Variants in DLGAP2 observed in about 807,000 individuals in gnomAD.
The protein encoded by DLGAP2 is DLG associated protein 2.
Under a neutral mutation model 100.3 loss-of-function variants are expected in DLGAP2, and 26 were observed. The ratio of observed to expected loss-of-function variants is 0.26; its 90% CI spans 0.19 to 0.36. The LOEUF is 0.36. DLGAP2 is among the 10% of genes least tolerant of loss of function. DLGAP2 has a pLI of 1.00. For missense variants in DLGAP2, 1,858 were observed against 1,453.2 expected, an observed-to-expected ratio of 1.28 and a Z score of -4.53; for synonymous variants, 886 against 630.1, an observed-to-expected ratio of 1.41 and a Z score of -6.08.
chr8:980,905 G>A (rs996083931), intron 2 of DLGAP2, among the ~76,000 whole-genome samples: 4 of 152,132 alleles, frequency 2.6e-5, no homozygotes, highest in African/African-American at 4.8e-5. Context: ...TGAGACATTC[G>A]TGTGATAGTG....
chr8:1,357,672 G>T (rs770618765), intron 3 of DLGAP2, among the ~76,000 whole-genome samples: 1 of 152,102 alleles, frequency 6.6e-6, no homozygotes, highest in Non-Finnish European at 1.5e-5. Flanking sequence ...TGTCTCTGAC[G>T]GATTTTAAGT....
chr8:1,065,644 C>G (rs1370811123), intron 2 of DLGAP2, among the ~76,000 whole-genome samples: 1 of 152,162 alleles, frequency 6.6e-6, no homozygotes. Flanking sequence ...ATGGGATCAT[C>G]AGAGACTTTT....
Position 1,464,301 on chromosome 8 carries a change from G to GACAGCAACCTTCCAGGACAA in DLGAP2, c.107-37065_107-37064insACAGCAACCTTCCAGGACAA, listed in dbSNP as rs1798552977. 3.4e-4 allele frequency among the ~76,000 whole-genome samples: 25 copies of GACAGCAACCTTCCAGGACAA among 74,462 alleles called. 8 individuals are homozygous for GACAGCAACCTTCCAGGACAA. Among genetic ancestry groups the GACAGCAACCTTCCAGGACAA allele is most frequent in the East Asian group, 3.1e-3 (5 of 1,626 alleles). 48.8% of individuals were successfully genotyped at this position (74,462 alleles called of 152,430 possible). ...TCCAGGACAACGCCCTTCCAGGATG[G>GACAGCAACCTTCCAGGACAA]CACCCTTCCAGGACAACGCCCTTCC... On this transcript the variant is annotated intron_variant, in intron 3 of 14. Coordinates refer to ENST00000637795, the MANE Select transcript of DLGAP2 (RefSeq NM_001346810.2).
chr8:1,683,856 A>ATATATATGTG (rs1467438870), intron 12 of DLGAP2, among the ~76,000 whole-genome samples: 8 of 62,224 alleles, frequency 1.3e-4, no homozygotes, highest in African/African-American at 5.9e-4. Flanking sequence ...ATATATATAT[A>ATATATATGTG]TGTGTGTGTG....
intron 3 of DLGAP2, among the ~76,000 whole-genome samples, chr8:1,345,983 T>C (rs1461122631): frequency 6.6e-6 from 1 of 152,160 alleles, no homozygotes; most frequent in Non-Finnish European, 1.5e-5. Flanking sequence ...AGAAACAGGG[T>C]CCAGACTCTG....
intron 2 of DLGAP2, among the ~76,000 whole-genome samples, chr8:995,576 T>C (rs1216655629): frequency 6.6e-6 from 1 of 152,172 alleles, no homozygotes; most frequent in African/African-American, 2.4e-5. Context: ...ATGTCAGCCA[T>C]GCTGTGCTTA....
chr8:947,616 T>G (rs11782379), intron 2 of DLGAP2, among the ~76,000 whole-genome samples: 1 of 151,996 alleles, frequency 6.6e-6, no homozygotes, highest in Non-Finnish European at 1.5e-5. Context: ...CCCCGCTGGC[T>G]TCAGCCTGGT....
intron 2 of DLGAP2, among the ~76,000 whole-genome samples, chr8:1,123,552 T>C (rs992002628): frequency 6.6e-6 from 1 of 152,216 alleles, no homozygotes; most frequent in Non-Finnish European, 1.5e-5. Context: ...GTGTCAGATG[T>C]TTGGTCTAAA....
chr8:961,500 A>T (rs950507141), intron 2 of DLGAP2, among the ~76,000 whole-genome samples: 2 of 152,198 alleles, frequency 1.3e-5, no homozygotes, highest in Non-Finnish European at 2.9e-5. Flanking sequence ...CAAAATGTAG[A>T]CACCAGTTCT....
chr8:1,175,198 C>T (rs924582338), intron 2 of DLGAP2, among the ~76,000 whole-genome samples: 4 of 151,944 alleles, frequency 2.6e-5, no homozygotes, highest in Non-Finnish European at 4.4e-5. Flanking sequence ...AAATTACTAA[C>T]TAGTAACCCG....
intron 2 of DLGAP2, among the ~76,000 whole-genome samples, chr8:912,341 C>T (rs542844386): frequency 1.3e-5 from 2 of 152,270 alleles, no homozygotes; most frequent in South Asian, 4.1e-4. Context: ...CGTGACTTCC[C>T]TGTGTTTGTG....
intron 1 of DLGAP2, among the ~76,000 whole-genome samples, chr8:801,346 T>C (rs1796147740): frequency 6.6e-6 from 1 of 152,056 alleles, no homozygotes; most frequent in Non-Finnish European, 1.5e-5. Context: ...TGGATTCAGG[T>C]GTAGGGAATC....
At chr8:1,696,511 A>G (rs1799401374) in intron 13 of DLGAP2, among the ~76,000 whole-genome samples, 1 of 152,248 alleles carries the variant, frequency 6.6e-6, no homozygotes, top group South Asian at 2.1e-4. Flanking sequence ...AATAACATAC[A>G]TAAATGTAGG....
chr8:1,535,099 C>T (rs1412363850), intron 4 of DLGAP2, among the ~76,000 whole-genome samples: 5 of 152,312 alleles, frequency 3.3e-5, no homozygotes, highest in Admixed American at 6.5e-5. Context: ...TGTGGAGCCA[C>T]GGGAGGAATC....
chr8:1,221,135 T>C (rs190277031), intron 2 of DLGAP2, among the ~76,000 whole-genome samples: 1 of 152,332 alleles, frequency 6.6e-6, no homozygotes, highest in African/African-American at 2.4e-5. Context: ...GATTCAATTA[T>C]GTCATGTTCT....
At chr8:957,878 GA>G (rs77156054) in intron 2 of DLGAP2, among the ~76,000 whole-genome samples, 18,465 of 151,976 alleles carry the variant, frequency 0.12, 1,544 homozygotes, top group Admixed American at 0.25. Flanking sequence ...TTTATTGTGG[GA>G]AAAATATATT....
At chr8:872,176 A>T (rs1308759454) in intron 1 of DLGAP2, among the ~76,000 whole-genome samples, 3 of 152,076 alleles carry the variant, frequency 2.0e-5, no homozygotes, top group African/African-American at 7.2e-5. Flanking sequence ...GAAGGAATTT[A>T]TTCTAAGGTT....
At chr8:1,576,076 T>G (rs981420323) in intron 6 of DLGAP2, among the ~76,000 whole-genome samples, 24 of 152,184 alleles carry the variant, frequency 1.6e-4, no homozygotes, top group African/African-American at 5.8e-4. Context: ...TAGTTTACAG[T>G]CCCACCAACA....
intron 1 of DLGAP2, among the ~76,000 whole-genome samples, chr8:892,736 G>A (rs796719154): frequency 6.2e-4 from 94 of 152,314 alleles, no homozygotes; most frequent in African/African-American, 2.0e-3. Context: ...GGGGCAGAGG[G>A]ATGGGTAGGA....
Sources: gnomAD v4.1 joint callset for allele counts (sites outside exome capture counted in the v4.1 genomes callset) on GRCh38, gnomAD v4.1.1 for gene constraint, MANE v1.5 for transcripts, NCBI Gene and HGNC (gene_info 2026-07-23, HGNC 2026-07-21) for gene names.